The following PREPL variants were observed in gnomAD, a reference collection of about 807,000 sequenced individuals.
PREPL encodes the protein prolyl endopeptidase-like.
A neutral mutation model predicts 70.6 loss-of-function variants in PREPL; 77 were observed. The observed-to-expected ratio is 1.09, with a 90% CI of 0.91 to 1.32. The LOEUF (loss-of-function observed/expected upper bound fraction) is 1.32. Among genes scored for constraint, PREPL ranks in the 40% most tolerant of loss-of-function variants. PREPL has a pLI of 0.00. For synonymous variants in PREPL, 315 were observed against 264.8 expected, an observed-to-expected ratio of 1.19 and a Z score of -1.84; for missense variants, 1,002 against 778.2, an observed-to-expected ratio of 1.29 and a Z score of -3.42.
At chr2:44,344,102 C>A in intron 3 of PREPL, 151 bp from the exon 4 acceptor site, 1 of 946,472 alleles carries the variant, frequency 1.1e-6, no homozygotes, top group Non-Finnish European at 1.5e-6. Context: ...ACTTGCACAT[C>A]AACTGACAAT....
chr2:44,357,237 T>C (rs140689635), intron 1 of PREPL, among the ~76,000 whole-genome samples: 2 of 152,358 alleles, frequency 1.3e-5, no homozygotes, highest in East Asian at 1.9e-4. Context: ...AGTTAACTTA[T>C]ATAGGTAATA....
At chr2:44,340,253 T>C (rs547681702) in intron 5 of PREPL, among the ~76,000 whole-genome samples, 1 of 152,170 alleles carries the variant, frequency 6.6e-6, no homozygotes, top group East Asian at 1.9e-4. Context: ...TGAAGATATT[T>C]TCCCCTTCCA....
At chr2:44,322,991 C>CAAGT in intron 11 of PREPL, 137 bp from the exon 12 acceptor site, 2 of 1,218,162 alleles carry the variant, frequency 1.6e-6, no homozygotes, top group Non-Finnish European at 2.3e-6. Flanking sequence ...ATCTTGAGAG[C>CAAGT]GCCTCAGTAT....
chr2:44,339,112 C>A (rs1202126569), intron 6 of PREPL, 35 bp downstream of exon 6: 1 of 1,608,726 alleles, frequency 6.2e-7, no homozygotes, highest in Non-Finnish European at 8.5e-7. Context: ...CACTTCTTAA[C>A]AGCCCAAATA....
rs1271386918 is a variant in PREPL, at chr2:44,341,333, T to A, written c.485+1084A>T. 2.6e-5 allele frequency among the ~76,000 whole-genome samples: 4 copies of A among 152,186 alleles called. No homozygotes were observed. In the South Asian group the frequency reaches 8.3e-4, roughly 31 times the overall value. On this transcript the variant is annotated intron_variant, in intron 5 of 13. Transcript: ENST00000409411. The stretch of plus-strand genomic sequence containing the variant: ...TTATCATATAAATTTTCACATAGAC[T>A]AGGATCTATGTTTTAGAGTTATTCT...
chr2:44,358,281 A>T (rs1172330511), intron 1 of PREPL, among the ~76,000 whole-genome samples: 1 of 152,216 alleles, frequency 6.6e-6, no homozygotes, highest in Non-Finnish European at 1.5e-5. Flanking sequence ...AAAGCCACTG[A>T]ATTGCATACT....
Position 44,342,551 on chromosome 2 carries a change from T to C in PREPL, c.351A>G (p.Glu117=), listed in dbSNP as rs757924695. Residue 117 remains glutamate (E), a splice_region_variant and synonymous_variant, in exon 5 of 14, where the codon GAA becomes GAG. Transcript: ENST00000409411. ...EASFPNVSSF[E]WVKDEEDEDV... ...CTTCATCTTCCTCGTCCTTTACCCA[T>C]TCTGAAAGAAAATAATGAGATAATT... is the stretch of plus-strand genomic sequence containing the variant. 2.0e-6 allele frequency: 3 copies of C among 1,520,722 alleles called. No individual in the cohort carries two copies. The highest frequency in any genetic ancestry group is 1.9e-5 in the Admixed American group (1 of 51,934). 94.2% of individuals were successfully genotyped at this position (1,520,722 alleles called of 1,614,324 possible).
chr2:44,324,647 G>A (rs1305199960), intron 10 of PREPL, among the ~76,000 whole-genome samples: 1 of 152,204 alleles, frequency 6.6e-6, no homozygotes, highest in Non-Finnish European at 1.5e-5. Flanking sequence ...GGAGGCTGAG[G>A]TGGGCAAATC....
At chr2:44,323,113 A>G (rs914271829) in intron 11 of PREPL, 149 bp downstream of exon 11, 2 of 837,438 alleles carry the variant, frequency 2.4e-6, no homozygotes, top group Admixed American at 3.1e-5. Flanking sequence ...TTAAACATGG[A>G]GCATGAGCAG....
At chr2:44,342,645 T>TGAGA in intron 4 of PREPL, 93 bp from the exon 5 acceptor site, 1 of 972,910 alleles carries the variant, frequency 1.0e-6, no homozygotes, top group Non-Finnish European at 1.5e-6. Context: ...TGAATGCCAG[T>TGAGA]GAGAACATGT....
chr2:44,361,252 G>A (rs1677761176), intron 1 of PREPL, 128 bp downstream of exon 1: 1 of 152,444 alleles, frequency 6.6e-6, no homozygotes, highest in East Asian at 1.9e-4. Flanking sequence ...CAGGGAGAGG[G>A]ACCAGGTGAC....
At chr2:44,345,652 C>G (rs993987454) in intron 2 of PREPL, among the ~76,000 whole-genome samples, 2 of 151,808 alleles carry the variant, frequency 1.3e-5, no homozygotes, top group African/African-American at 4.8e-5. Context: ...GCACAGCCCT[C>G]AATTCATTTC....
chr2:44,351,910 A>T (rs533179877), intron 1 of PREPL, among the ~76,000 whole-genome samples: 7 of 152,326 alleles, frequency 4.6e-5, no homozygotes, highest in Admixed American at 4.6e-4. Context: ...AAAAGCAAAA[A>T]TTCTTACAAT....
At chr2:44,337,969 T>C (rs1400616673) in intron 7 of PREPL, among the ~76,000 whole-genome samples, 5 of 152,162 alleles carry the variant, frequency 3.3e-5, no homozygotes, top group Non-Finnish European at 7.4e-5. Flanking sequence ...ACTGTCCCTG[T>C]TGGGGATGTG....
chr2:44,359,400 G>A, intron 1 of PREPL: 2 of 969,268 alleles, frequency 2.1e-6, no homozygotes, highest in Non-Finnish European at 3.1e-6. Context: ...TAGAATTACT[G>A]AGAAAATTAG....
At chr2:44,354,210 G>A (rs1676761096) in intron 1 of PREPL, among the ~76,000 whole-genome samples, 1 of 152,068 alleles carries the variant, frequency 6.6e-6, no homozygotes, top group African/African-American at 2.4e-5. Flanking sequence ...GCTCAGATGG[G>A]ATGATTTCTG....
In PREPL at chr2:44,323,413, TA is replaced by T. The variant is rs763329621; in HGVS notation, c.1480-3del. 8.2e-5 allele frequency: 129 copies of T among 1,567,254 alleles called. No individual in the cohort carries two copies. The highest frequency in any genetic ancestry group is 1.8e-4 in the South Asian group (15 of 83,876). On this transcript the variant is annotated splice_region_variant and splice_polypyrimidine_tract_variant and intron_variant, in intron 10 of 13. Coordinates refer to ENST00000409411, the MANE Select transcript of PREPL (RefSeq NM_001171613.2). ...GTTGAGAACATCCAAGAAAGGTGCC[TA>T]AAAAAAAGGCAAAGAAACTTATACT... is the stretch of plus-strand genomic sequence containing the variant.
chr2:44,345,662 C>T (rs768066060), intron 2 of PREPL, among the ~76,000 whole-genome samples: 43 of 151,850 alleles, frequency 2.8e-4, no homozygotes, highest in Non-Finnish European at 4.9e-4. Context: ...CAATTCATTT[C>T]GACTGACTAT....
intron 1 of PREPL, among the ~76,000 whole-genome samples, chr2:44,355,536 G>A (rs2104199736): frequency 6.6e-6 from 1 of 152,170 alleles, no homozygotes; most frequent in African/African-American, 2.4e-5. Context: ...GTGACAGAGT[G>A]AGACACTGTC....
Sources: gnomAD v4.1 joint callset for allele counts (sites outside exome capture counted in the v4.1 genomes callset) on GRCh38, gnomAD v4.1.1 for gene constraint, MANE v1.5 for transcripts, NCBI Gene and HGNC (gene_info 2026-07-23, HGNC 2026-07-21) for gene names.